TOP3A: variants seen among roughly 807,000 people sequenced by gnomAD.
The protein encoded by TOP3A is DNA topoisomerase III alpha.
In TOP3A, 64 loss-of-function variants were observed where a neutral mutation model predicts 111.3. That is an observed-to-expected ratio of 0.57 (90% CI 0.47 to 0.71). The LOEUF (loss-of-function observed/expected upper bound fraction) is 0.71, where lower values mean the gene tolerates loss of function less well. Among genes scored for constraint, TOP3A ranks in the 30% least tolerant of loss-of-function variants. The pLI is 0.00. For missense variants in TOP3A, 1,104 were observed against 1,285.0 expected (o/e 0.86, Z 2.15); for synonymous variants, 484 against 485.1 (o/e 1.00, Z 0.03).
In TOP3A at chr17:18,290,920, T is replaced by G. The variant is rs771920089; in HGVS notation, c.1389A>C (p.Glu463Asp). 1 of 1,614,158 alleles carries G rather than the reference T, an allele frequency of 6.2e-7. No individual in the cohort carries two copies. The highest frequency in any genetic ancestry group is 8.5e-7 in the Non-Finnish European group (1 of 1,180,034). Residue 463 changes from glutamate to aspartate, a missense_variant, in exon 12 of 19, where the codon GAA (glutamate) becomes GAC (aspartate). Physicochemically the swap from Glu to Asp is conservative, Grantham distance 45. Coordinates refer to ENST00000321105, the MANE Select transcript of TOP3A (RefSeq NM_004618.5). Reference protein sequence around the residue: ...ETTVEIDIAQERFVAHGLMIL... With the variant: ...ETTVEIDIAQDRFVAHGLMIL... ...TCATGAGGCCATGGGCCACAAAGCG[T>G]TCCTGAGCGATGTCGATCTCCACTG... is the stretch of plus-strand genomic sequence containing the variant.
chr17:18,289,924 T>C (rs1471679986), intron 13 of TOP3A, among the ~76,000 whole-genome samples: 1 of 152,174 alleles, frequency 6.6e-6, no homozygotes, highest in Non-Finnish European at 1.5e-5. Context: ...TGGACTAGGT[T>C]TGCCAGAGAA....
At chr17:18,291,246 G>A (rs1980459886) in intron 11 of TOP3A, among the ~76,000 whole-genome samples, 1 of 152,234 alleles carries the variant, frequency 6.6e-6, no homozygotes, top group South Asian at 2.1e-4. Flanking sequence ...AAGCAAAGGA[G>A]TCATCTTCCC....
chr17:18,302,207 C>T, intron 7 of TOP3A, 57 bp downstream of exon 7: 1 of 1,538,780 alleles, frequency 6.5e-7, no homozygotes, highest in Non-Finnish European at 8.8e-7. Context: ...CTCACAGTCC[C>T]CCTCCTTAAC....
Position 18,278,035 on chromosome 17 carries a change from T to A in TOP3A, c.2467A>T (p.Thr823Ser). The part of the protein sequence containing the change: ...CNCGQEAVLL[T>S]VRKEGPNRGR... ...CGGTTGGGGCCCTCCTTACGGACAG[T>A]GAGCAGCACAGCCTCCTGGCCACAG... Residue 823 changes from threonine to serine, a missense_variant, in exon 18 of 19, where the codon ACT becomes TCT. Transcript: ENST00000321105. The A allele has an allele frequency of 1.2e-6, 2 of 1,614,180 alleles. No homozygotes were observed. The highest frequency in any genetic ancestry group is 1.7e-6 in the Non-Finnish European group (2 of 1,180,048).
At chr17:18,299,880 C>T (rs768018834) in intron 8 of TOP3A, among the ~76,000 whole-genome samples, 7 of 152,186 alleles carry the variant, frequency 4.6e-5, no homozygotes, top group Non-Finnish European at 7.3e-5. Context: ...GTGCTTCCAC[C>T]AGAGCCTATG....
chr17:18,278,029 G>C lies in TOP3A; in HGVS notation c.2473C>G (p.Arg825Gly). 1.2e-6 allele frequency: 2 copies of C among 1,614,168 alleles called. No homozygotes were observed. The highest frequency in any genetic ancestry group is 1.7e-6 in the Non-Finnish European group (2 of 1,180,048). ...CGQEAVLLTV[R>G]KEGPNRGRQF... ...CGGCCCCGGTTGGGGCCCTCCTTAC[G>C]GACAGTGAGCAGCACAGCCTCCTGG... is the stretch of plus-strand genomic sequence containing the variant. The change falls in exon 18 of 19, where the codon CGT becomes GGT. Residue 825 changes from arginine (R) to glycine (G), a missense_variant. Physicochemically the swap from Arg to Gly is moderately radical, Grantham distance 125. Transcript: ENST00000321105.
At chr17:18,294,652 T>C (rs1308365893) in intron 10 of TOP3A, 51 bp downstream of exon 10, 6 of 1,378,886 alleles carry the variant, frequency 4.4e-6, no homozygotes, top group Non-Finnish European at 5.2e-6. Context: ...CTCAAATATT[T>C]CATCCTGATA....
At chr17:18,285,670 T>C (rs2142950451) in intron 13 of TOP3A, 150 bp from the exon 14 acceptor site, 1 of 618,952 alleles carries the variant, frequency 1.6e-6, no homozygotes, top group East Asian at 2.8e-5. Context: ...TATAGCTCAT[T>C]CAAGAAATCA....
chr17:18,276,497 C>T (rs1428867412), intron 18 of TOP3A, among the ~76,000 whole-genome samples: 1 of 152,214 alleles, frequency 6.6e-6, no homozygotes, highest in Non-Finnish European at 1.5e-5. Flanking sequence ...TCTTTCTGTG[C>T]ATGCCGGGCT....
intron 4 of TOP3A, among the ~76,000 whole-genome samples, chr17:18,306,201 C>T (rs1471099168): frequency 6.6e-6 from 1 of 151,862 alleles, no homozygotes; most frequent in Non-Finnish European, 1.5e-5. Context: ...GACTTCGTCT[C>T]AAAAAATAAA....
At chr17:18,311,552 C>T (rs1423371406) in intron 1 of TOP3A, among the ~76,000 whole-genome samples, 1 of 152,198 alleles carries the variant, frequency 6.6e-6, no homozygotes, top group Non-Finnish European at 1.5e-5. Context: ...CTTGAGCCTC[C>T]CCAACTGCTG....
intron 9 of TOP3A, among the ~76,000 whole-genome samples, chr17:18,296,066 C>T (rs1014929827): frequency 6.6e-6 from 1 of 151,904 alleles, no homozygotes; most frequent in African/African-American, 2.4e-5. Flanking sequence ...GCGCCCGGCC[C>T]GAAATCTACA....
chr17:18,298,539 C>T (rs1037348506), intron 9 of TOP3A, among the ~76,000 whole-genome samples: 9 of 151,146 alleles, frequency 6.0e-5, no homozygotes, highest in African/African-American at 2.2e-4. Context: ...GGCCACCACC[C>T]TGTCTGGGAG....
At chr17:18,312,387 C>T (rs1981967808) in intron 1 of TOP3A, 2 of 152,542 alleles carry the variant, frequency 1.3e-5, no homozygotes, top group Non-Finnish European at 2.9e-5. Flanking sequence ...GGTTGTCTTC[C>T]TGCCTGTGCT....
In TOP3A at chr17:18,308,344, T is replaced by C; in HGVS notation, c.314+7A>G. 1 of 1,588,810 alleles carries C rather than the reference T, an allele frequency of 6.3e-7. No homozygotes were observed. The highest frequency in any genetic ancestry group is 8.6e-7 in the Non-Finnish European group (1 of 1,161,972). On this transcript the variant is annotated splice_region_variant and intron_variant, in intron 3 of 18. Coordinates refer to ENST00000321105, the MANE Select transcript of TOP3A (RefSeq NM_004618.5). ...CTGAAAGTCCTTCCCTTGAGAATTG[T>C]ACTGACCATTTTCGAAACTGCATCT...
chr17:18,292,354 C>G (rs1980529099), intron 11 of TOP3A, among the ~76,000 whole-genome samples: 1 of 152,138 alleles, frequency 6.6e-6, no homozygotes, highest in Non-Finnish European at 1.5e-5. Context: ...GGGAAGGCCA[C>G]AAGGCTCACA....
intron 17 of TOP3A, among the ~76,000 whole-genome samples, chr17:18,278,850 C>T (rs1277427778): frequency 3.3e-5 from 5 of 152,064 alleles, no homozygotes; most frequent in South Asian, 2.1e-4. Context: ...TGGTGGCACG[C>T]GCCTGTAGTC....
At position 18,285,609 on chromosome 17, in the gene TOP3A, C is replaced by A. The variant is rs112933454; in HGVS notation, c.1598-89G>T. Reference sequence around the variant, plus strand: ...GGGCACCTTGCTCACCCCGGAATCCCTCCTTTGCCTGGACAGCCTATGCAG... The same window carrying A: ...GGGCACCTTGCTCACCCCGGAATCCATCCTTTGCCTGGACAGCCTATGCAG... On this transcript the variant is annotated intron_variant, in intron 13 of 18. Transcript: ENST00000321105. The A allele has an allele frequency of 7.0e-4, 757 of 1,077,874 alleles. 5 individuals carry two copies. The African/African-American group carries it at 9.2e-3, about 13-fold the overall frequency. 66.8% of individuals were successfully genotyped at this position (1,077,874 alleles called of 1,614,324 possible). A position where few individuals can be genotyped will look rare whatever the true frequency, so the allele number is the denominator to read the frequency against.
At chr17:18,286,330 C>T (rs1400045511) in intron 13 of TOP3A, among the ~76,000 whole-genome samples, 4 of 145,126 alleles carry the variant, frequency 2.8e-5, no homozygotes, top group African/African-American at 1.0e-4. Flanking sequence ...GGTGAAACCC[C>T]GTCTCTACTA....
Sources: allele counts gnomAD v4.1 joint callset (sites outside exome capture counted in the v4.1 genomes callset), GRCh38; gene constraint gnomAD v4.1.1; transcripts MANE v1.5; gene names NCBI Gene and HGNC (gene_info 2026-07-23, HGNC 2026-07-21).